The following KLHL4 variants were observed in gnomAD, a reference collection of about 807,000 sequenced individuals.
KLHL4 encodes the protein kelch-like protein 4.
KLHL4 carries 17 observed loss-of-function variants against 45.8 expected under a neutral mutation model. The ratio of observed to expected loss-of-function variants is 0.37; its 90% CI spans 0.25 to 0.56. The LOEUF is 0.56. Among genes scored for constraint, KLHL4 ranks in the 20% least tolerant of loss-of-function variants. The probability of loss-of-function intolerance (pLI) is 0.79; values close to 1 mark genes in which losing one functional copy is unlikely to be tolerated. For synonymous variants in KLHL4, 224 were observed against 189.9 expected (o/e 1.18, Z -1.47); for missense variants, 544 against 544.9 (o/e 1.00, Z 0.02).
chrX:87,526,132 T>C (rs1360525840), intron 1 of KLHL4, among the ~76,000 whole-genome samples: 1 of 112,092 alleles, frequency 8.9e-6, no homozygotes, highest in Non-Finnish European at 1.9e-5. Context: ...GACTTAGGTG[T>C]CCTTTTCTGG....
chrX:87,589,297 A>G (rs1036776363), intron 1 of KLHL4, among the ~76,000 whole-genome samples: 18 of 111,911 alleles, frequency 1.6e-4, no homozygotes, highest in African/African-American at 1.3e-4. Flanking sequence ...CAGCAATTCC[A>G]CTGATGGTAG....
At chrX:87,592,091 A>T (rs1377796947) in intron 1 of KLHL4, among the ~76,000 whole-genome samples, 1 of 110,891 alleles carries the variant, frequency 9.0e-6, no homozygotes, top group Non-Finnish European at 1.9e-5. Flanking sequence ...AGCTTCTACA[A>T]ATGAGTGTGA....
intron 1 of KLHL4, among the ~76,000 whole-genome samples, chrX:87,590,690 TA>T (rs1351473533): frequency 3.6e-5 from 4 of 111,715 alleles, no homozygotes; most frequent in Non-Finnish European, 7.5e-5. Context: ...AGCCATTACA[TA>T]AAAGGTCAAC....
At position 87,518,137 on chromosome X, in the gene KLHL4, C is replaced by A; in HGVS notation, c.244C>A (p.Pro82Thr). Reference sequence around the variant, plus strand: ...ACTGGCACCAGTGCCAGGACCGGCCCCTGCCCATCAGAGAGCCGTTCAGAA... The same window carrying A: ...ACTGGCACCAGTGCCAGGACCGGCCACTGCCCATCAGAGAGCCGTTCAGAA... ...NILAPVPGPA[P>T]AHQRAVQNLQ... is the part of the protein sequence containing the mutation. The change falls in exon 1 of 11, where the codon CCT (proline) becomes ACT (threonine). Residue 82 changes from proline (P) to threonine (T), a missense_variant. Physicochemically the swap from Pro to Thr is conservative, Grantham distance 38 (BLOSUM62 -1). Coordinates refer to ENST00000373119, the MANE Select transcript of KLHL4 (RefSeq NM_019117.5). The A allele has an allele frequency of 8.3e-7, 1 of 1,211,909 alleles. No individual in the cohort carries two copies. Among genetic ancestry groups the A allele is most frequent in the South Asian group, 1.8e-5 (1 of 57,015 alleles).
At chrX:87,661,078 ATT>A (rs1924172043) in intron 9 of KLHL4, among the ~76,000 whole-genome samples, 1 of 112,478 alleles carries the variant, frequency 8.9e-6, no homozygotes, top group African/African-American at 3.2e-5. Flanking sequence ...CTTCACAAAA[ATT>A]GTACCTGTCA....
At chrX:87,580,175 T>A (rs1921226671) in intron 1 of KLHL4, among the ~76,000 whole-genome samples, 1 of 110,963 alleles carries the variant, frequency 9.0e-6, no homozygotes, top group Non-Finnish European at 1.9e-5. Context: ...TACAAGATAT[T>A]TTATGTTGCT....
At chrX:87,637,233 G>A in intron 9 of KLHL4, among the ~76,000 whole-genome samples, 1 of 111,317 alleles carries the variant, frequency 9.0e-6, no homozygotes, top group Non-Finnish European at 1.9e-5. Context: ...AACAGAAATA[G>A]CAATCACTGC....
chrX:87,658,853 G>C (rs889106211), intron 9 of KLHL4, among the ~76,000 whole-genome samples: 10 of 110,862 alleles, frequency 9.0e-5, no homozygotes, highest in Non-Finnish European at 1.3e-4. Flanking sequence ...AAATTTATTA[G>C]TCATCTCATT....
intron 9 of KLHL4, among the ~76,000 whole-genome samples, chrX:87,660,641 T>G (rs1006588470): frequency 8.9e-6 from 1 of 111,768 alleles, no homozygotes; most frequent in Admixed American, 9.5e-5. Flanking sequence ...GGCCAGGAGA[T>G]TGAGACCAGC....
At chrX:87,545,772 A>G (rs1931665306) in intron 1 of KLHL4, among the ~76,000 whole-genome samples, 1 of 111,478 alleles carries the variant, frequency 9.0e-6, no homozygotes, top group African/African-American at 3.3e-5. Context: ...CTTCCTAGAG[A>G]CTTGTTGAGT....
At chrX:87,583,019 G>C (rs1370301996) in intron 1 of KLHL4, among the ~76,000 whole-genome samples, 1 of 111,064 alleles carries the variant, frequency 9.0e-6, no homozygotes, top group Non-Finnish European at 1.9e-5. Context: ...CTGCTGATTG[G>C]TGCATTTTAC....
At chrX:87,590,591 A>G (rs1194143432) in intron 1 of KLHL4, among the ~76,000 whole-genome samples, 1 of 111,798 alleles carries the variant, frequency 8.9e-6, no homozygotes, top group Non-Finnish European at 1.9e-5. Flanking sequence ...TTCAAAATAT[A>G]TTACAAAGGG....
chrX:87,518,527 G>T (rs943715409), intron 1 of KLHL4, among the ~76,000 whole-genome samples: 2 of 111,176 alleles, frequency 1.8e-5, no homozygotes, highest in African/African-American at 6.5e-5. Flanking sequence ...TTGGGGGGTG[G>T]GTTATGAGTT....
intron 1 of KLHL4, among the ~76,000 whole-genome samples, chrX:87,552,559 C>A (rs1211577926): frequency 9.1e-6 from 1 of 110,186 alleles, no homozygotes; most frequent in East Asian, 2.9e-4. Flanking sequence ...TGGTATCTAC[C>A]CAGAGGAAAA....
At chrX:87,571,695 A>G (rs1932337184) in intron 1 of KLHL4, among the ~76,000 whole-genome samples, 1 of 111,230 alleles carries the variant, frequency 9.0e-6, no homozygotes, top group Non-Finnish European at 1.9e-5. Context: ...ATTCATCCTT[A>G]TCCTTTATGT....
At chrX:87,567,309 G>A (rs1415816449) in intron 1 of KLHL4, among the ~76,000 whole-genome samples, 1 of 111,444 alleles carries the variant, frequency 9.0e-6, no homozygotes, top group Non-Finnish European at 1.9e-5. Context: ...AAAAAAGAAA[G>A]TGACAAGTAT....
intron 9 of KLHL4, among the ~76,000 whole-genome samples, chrX:87,663,863 T>C (rs1451876719): frequency 8.9e-6 from 1 of 112,032 alleles, no homozygotes; most frequent in Non-Finnish European, 1.9e-5. Flanking sequence ...TAGAATATCA[T>C]TAAAGAGATA....
chrX:87,584,357 G>C (rs1921387991), intron 1 of KLHL4, among the ~76,000 whole-genome samples: 1 of 111,834 alleles, frequency 8.9e-6, no homozygotes, highest in Non-Finnish European at 1.9e-5. Flanking sequence ...CTCAATAAAT[G>C]AACGAAATAA....
At chrX:87,572,419 T>C (rs1345596439) in intron 1 of KLHL4, among the ~76,000 whole-genome samples, 3 of 110,951 alleles carry the variant, frequency 2.7e-5, no homozygotes, top group Non-Finnish European at 5.7e-5. Context: ...TCTCTCTCTC[T>C]TTCTCTCTAT....
Sources: allele counts gnomAD v4.1 joint callset (sites outside exome capture counted in the v4.1 genomes callset), GRCh38; gene constraint gnomAD v4.1.1; transcripts MANE v1.5; gene names NCBI Gene and HGNC (gene_info 2026-07-23, HGNC 2026-07-21).